CNTN5: variants seen among roughly 807,000 people sequenced by gnomAD.
CNTN5 encodes contactin-5.
A neutral mutation model predicts 129.1 loss-of-function variants in CNTN5; 77 were observed. The ratio of observed to expected loss-of-function variants is 0.60; its 90% CI spans 0.50 to 0.72. CNTN5 has a LOEUF of 0.72. CNTN5 is among the 30% of genes least tolerant of loss of function. The pLI, the probability that CNTN5 is intolerant of heterozygous loss-of-function variation, is 0.00. For missense variants in CNTN5, 1,478 were observed against 1,328.8 expected (o/e 1.11, Z -1.75); for synonymous variants, 509 against 465.6 (o/e 1.09, Z -1.20).
At chr11:99,370,834 T>C (rs1939776063) in intron 2 of CNTN5, among the ~76,000 whole-genome samples, 1 of 152,210 alleles carries the variant, frequency 6.6e-6, no homozygotes, top group Admixed American at 6.5e-5. Context: ...TGGAGAAGAC[T>C]AGAATATTAT....
intron 3 of CNTN5, among the ~76,000 whole-genome samples, chr11:99,682,619 C>A (rs891833003): frequency 6.6e-6 from 1 of 151,848 alleles, no homozygotes; most frequent in Non-Finnish European, 1.5e-5. Flanking sequence ...CCAAACACAT[C>A]CGTTCTGTGT....
chr11:99,846,682 C>G (rs755878490), intron 6 of CNTN5, among the ~76,000 whole-genome samples: 15 of 152,064 alleles, frequency 9.9e-5, no homozygotes, highest in South Asian at 4.2e-4. Context: ...TGATATTTCT[C>G]TATGTAATCT....
In CNTN5 at chr11:99,641,415, C is replaced by A. The variant is rs925376167; in HGVS notation, c.55+85146C>A. On this transcript the variant is annotated intron_variant, in intron 3 of 24. Coordinates refer to ENST00000524871, the MANE Select transcript of CNTN5 (RefSeq NM_014361.4). ...AAACTGTGAATTGGTTCCAATCCTC[C>A]TCCCGGCCTGGTTCTCAAAGGGAAC... 7.2e-4 allele frequency among the ~76,000 whole-genome samples: 109 copies of A among 152,172 alleles called. 1 individual carries two copies. The highest frequency in any genetic ancestry group is 1.2e-3 in the Non-Finnish European group (83 of 68,010).
intron 9 of CNTN5, among the ~76,000 whole-genome samples, chr11:100,037,363 G>T (rs1441565411): frequency 6.6e-6 from 1 of 151,792 alleles, no homozygotes; most frequent in Non-Finnish European, 1.5e-5. Flanking sequence ...TGCTGGATTT[G>T]GTTTGCCAGT....
chr11:99,672,264 G>A (rs1953077385), intron 3 of CNTN5, among the ~76,000 whole-genome samples: 1 of 151,998 alleles, frequency 6.6e-6, no homozygotes, highest in South Asian at 2.1e-4. Context: ...TACCTCCTCT[G>A]GTATTAGGGA....
intron 1 of CNTN5, among the ~76,000 whole-genome samples, chr11:99,300,390 T>G (rs1224003011): frequency 6.6e-6 from 1 of 152,122 alleles, no homozygotes; most frequent in East Asian, 1.9e-4. Flanking sequence ...TGATTTTCAT[T>G]TTTATTCTGT....
At chr11:100,252,591 T>C (rs487182) in intron 16 of CNTN5, among the ~76,000 whole-genome samples, 15,417 of 152,174 alleles carry the variant, frequency 0.1, 1,014 homozygotes, top group Middle Eastern at 0.17. Context: ...GATTTTTGTA[T>C]GAGGTGAGGG....
At chr11:100,019,860 G>T (rs997189965) in intron 9 of CNTN5, among the ~76,000 whole-genome samples, 1 of 151,874 alleles carries the variant, frequency 6.6e-6, no homozygotes, top group Non-Finnish European at 1.5e-5. Context: ...GTTATCTTTT[G>T]TCTTTTTGTA....
At chr11:99,913,578 C>T (rs770182410) in intron 6 of CNTN5, among the ~76,000 whole-genome samples, 5 of 151,906 alleles carry the variant, frequency 3.3e-5, no homozygotes, top group Non-Finnish European at 5.9e-5. Context: ...GTATTAAAAG[C>T]TGGTACAAAA....
chr11:100,275,158 T>G (rs1950482426), intron 18 of CNTN5, among the ~76,000 whole-genome samples: 2 of 152,188 alleles, frequency 1.3e-5, no homozygotes, highest in Non-Finnish European at 2.9e-5. Flanking sequence ...AAAATCCAAC[T>G]TCTCCACTTT....
At chr11:99,783,783 A>G (rs1727807297) in intron 3 of CNTN5, among the ~76,000 whole-genome samples, 1 of 150,914 alleles carries the variant, frequency 6.6e-6, no homozygotes, top group South Asian at 2.1e-4. Flanking sequence ...GATCACATGG[A>G]CACAGGAAGG....
intron 13 of CNTN5, among the ~76,000 whole-genome samples, chr11:100,103,993 T>A (rs967391376): frequency 2.0e-5 from 3 of 152,218 alleles, no homozygotes; most frequent in Non-Finnish European, 4.4e-5. Context: ...ACTTTATCTT[T>A]TTTGTCAAGT....
At chr11:99,713,953 G>C (rs74692269) in intron 3 of CNTN5, among the ~76,000 whole-genome samples, 1 of 151,824 alleles carries the variant, frequency 6.6e-6, no homozygotes, top group East Asian at 1.9e-4. Flanking sequence ...CTTAGATTTC[G>C]TGAGCAGAAT....
chr11:99,407,503 G>A lies in CNTN5; in HGVS notation c.-71+82019G>A, dbSNP rs183202076. Among the ~76,000 whole-genome samples, 61 of 152,270 alleles carry A rather than the reference G, an allele frequency of 4.0e-4. 2 individuals carry two copies. The East Asian group carries it at 5.2e-3, about 13-fold the overall frequency. Reference sequence around the variant, plus strand: ...GAAGGGGTCTCTTTCGGAGCCGTGAGCTGTGCAGTTTGAGGTTAGGAGAGG... The same window carrying A: ...GAAGGGGTCTCTTTCGGAGCCGTGAACTGTGCAGTTTGAGGTTAGGAGAGG... On this transcript the variant is annotated intron_variant, in intron 2 of 24. Transcript: ENST00000524871.
Position 100,255,851 on chromosome 11 carries a change from C to G in CNTN5, c.2097C>G (p.Ser699Arg). Residue 699 changes from serine to arginine, a missense_variant, in exon 17 of 25, where the codon AGC becomes AGG. Transcript: ENST00000524871. Reference sequence around the variant, plus strand: ...GGAGCCCAGCAGCTGACAACCACAGCCCAATCTCCTCCTACAACCTTCAAG... The same window carrying G: ...GGAGCCCAGCAGCTGACAACCACAGGCCAATCTCCTCCTACAACCTTCAAG... The part of the protein sequence containing the change: ...LSWSPAADNH[S>R]PISSYNLQAR... 2 of 1,613,874 alleles carry G rather than the reference C, an allele frequency of 1.2e-6. No individual in the cohort carries two copies. The highest frequency in any genetic ancestry group is 1.7e-6 in the Non-Finnish European group (2 of 1,179,860).
chr11:99,606,301 C>T (rs373912276), intron 3 of CNTN5, among the ~76,000 whole-genome samples: 2 of 129,966 alleles, frequency 1.5e-5, no homozygotes, highest in Admixed American at 1.5e-4. Context: ...TATACACCAA[C>T]AACAGACAAA....
At chr11:99,234,435 A>G (rs573241812) in intron 1 of CNTN5, among the ~76,000 whole-genome samples, 2 of 152,178 alleles carry the variant, frequency 1.3e-5, no homozygotes, top group East Asian at 3.9e-4. Context: ...GATGTTCAGT[A>G]AACAACTGTT....
intron 4 of CNTN5, among the ~76,000 whole-genome samples, chr11:99,826,379 C>G (rs930153791): frequency 3.9e-5 from 6 of 152,156 alleles, no homozygotes; most frequent in Non-Finnish European, 8.8e-5. Flanking sequence ...CTTCTTTCAT[C>G]TTTGCAAGTC....
intron 6 of CNTN5, among the ~76,000 whole-genome samples, chr11:99,903,572 A>C (rs1949414909): frequency 6.6e-6 from 1 of 152,100 alleles, no homozygotes; most frequent in Non-Finnish European, 1.5e-5. Flanking sequence ...TGTCATCTAG[A>C]GGGGCTGTTC....
Sources: gnomAD v4.1 joint callset for allele counts (sites outside exome capture counted in the v4.1 genomes callset) on GRCh38, gnomAD v4.1.1 for gene constraint, MANE v1.5 for transcripts, NCBI Gene and HGNC (gene_info 2026-07-23, HGNC 2026-07-21) for gene names.